Variants in IPO9 observed in about 807,000 individuals in gnomAD.
IPO9 encodes importin-9.
In IPO9, 28 loss-of-function variants were observed where a neutral mutation model predicts 128.6. The observed-to-expected ratio is 0.22, with a 90% CI of 0.16 to 0.30. The LOEUF (loss-of-function observed/expected upper bound fraction) is 0.30. Among genes scored for constraint, IPO9 ranks in the 10% least tolerant of loss-of-function variants. IPO9 has a pLI of 1.00. For missense variants in IPO9, 935 were observed against 1,293.9 expected, an observed-to-expected ratio of 0.72 and a Z score of 4.26; for synonymous variants, 455 against 475.8, an observed-to-expected ratio of 0.96 and a Z score of 0.57.
intron 1 of IPO9, among the ~76,000 whole-genome samples, chr1:201,829,719 C>T (rs1172635599): frequency 6.6e-6 from 1 of 152,032 alleles, no homozygotes. Flanking sequence ...GAGTCCAGGA[C>T]CAAAGTCTTT....
At position 201,866,713 on chromosome 1, in the gene IPO9, G is replaced by A; in HGVS notation, c.1629-20G>A. 6.4e-7 allele frequency: 1 copy of A among 1,565,174 alleles called. No homozygotes were observed. The highest frequency in any genetic ancestry group is 1.1e-5 in the South Asian group (1 of 89,666). ...AATTGAATTTTTTTTAATAATTCTT[G>A]CTTATCTATCTCTCTCTAGTTATTG... On this transcript the variant is annotated intron_variant, in intron 14 of 23. Coordinates refer to ENST00000361565, the MANE Select transcript of IPO9 (RefSeq NM_018085.5).
At position 201,876,015 on chromosome 1, in the gene IPO9, T is replaced by C. The variant is rs1297849797; in HGVS notation, c.3087T>C (p.Asn1029=). The C allele has an allele frequency of 3.1e-6, 5 of 1,613,952 alleles. No individual in the cohort carries two copies. The highest frequency in any genetic ancestry group is 4.2e-6 in the Non-Finnish European group (5 of 1,179,794). ...ACATAATGTTTTCAGGCCACCTTAA[T>C]GACAATGAGAGGCGAGTTCTACAGA... The part of the protein sequence containing the change: ...PCYIMFSGHL[N]DNERRVLQTI... Residue 1029 remains asparagine, a synonymous_variant, in exon 24 of 24, where the codon AAT becomes AAC. Transcript: ENST00000361565.
intron 23 of IPO9, 43 bp downstream of exon 23, chr1:201,875,271 G>T (rs372940351): frequency 9.1e-6 from 14 of 1,544,332 alleles, no homozygotes; most frequent in African/African-American, 1.4e-5. Context: ...AATGTCCCAG[G>T]CCATGGAAAC....
At chr1:201,865,504 G>A (rs763582707) in intron 14 of IPO9, among the ~76,000 whole-genome samples, 7 of 152,044 alleles carry the variant, frequency 4.6e-5, no homozygotes, top group Admixed American at 6.5e-5. Flanking sequence ...CACCGCGCCC[G>A]GCCTGCAGCT....
In IPO9 at chr1:201,883,031, T is replaced by C. The variant is rs1459098129; in HGVS notation, c.*6977T>C. On this transcript the variant is annotated 3_prime_UTR_variant, in exon 24 of 24. Coordinates refer to ENST00000361565, the MANE Select transcript of IPO9 (RefSeq NM_018085.5). ...TGGGAGGACAGCTCTGAGGAATGAATTGTAGCACTGCAGCCCTGCCTGAGG... is the reference window on the plus strand; with the variant it reads ...TGGGAGGACAGCTCTGAGGAATGAACTGTAGCACTGCAGCCCTGCCTGAGG... 6.6e-6 allele frequency: 1 copy of C among 152,612 alleles called. No homozygotes were observed. The highest frequency in any genetic ancestry group is 6.5e-5 in the Admixed American group (1 of 15,278). 9.5% of individuals were successfully genotyped at this position (152,612 alleles called of 1,614,324 possible).
intron 23 of IPO9, 67 bp downstream of exon 23, chr1:201,875,295 C>G: frequency 7.3e-7 from 1 of 1,373,818 alleles, no homozygotes; most frequent in Non-Finnish European, 1.0e-6. Flanking sequence ...AATATGGGCT[C>G]AAATCCATTT....
chr1:201,851,969 A>G, intron 4 of IPO9, 135 bp from the exon 5 acceptor site: 1 of 485,214 alleles, frequency 2.1e-6, no homozygotes, highest in South Asian at 3.9e-5. Flanking sequence ...ACAGAATGAG[A>G]CCACCAGGCC....
In IPO9 at chr1:201,877,359, G is replaced by A. The variant is rs12023470; in HGVS notation, c.*1305G>A. On this transcript the variant is annotated 3_prime_UTR_variant, in exon 24 of 24. Transcript: ENST00000361565. ...TCTACTAAAAATACAAAAATTAGCT[G>A]GGCATGGTGGTGCATGCCTGTAATC... 8,895 of 152,168 alleles carry A rather than the reference G, an allele frequency of 0.058. 507 individuals carry two copies. Among genetic ancestry groups the A allele is most frequent in the East Asian group, 0.28 (1,422 of 5,154 alleles). 9.4% of individuals were successfully genotyped at this position (152,168 alleles called of 1,614,324 possible).
chr1:201,845,024 G>T (rs1680099403), intron 1 of IPO9, among the ~76,000 whole-genome samples: 1 of 149,604 alleles, frequency 6.7e-6, no homozygotes, highest in African/African-American at 2.5e-5. Flanking sequence ...TTTTTTTTGG[G>T]AGGGGGGGGC....
intron 20 of IPO9, 63 bp from the exon 21 acceptor site, chr1:201,874,187 A>G (rs1680714966): frequency 1.2e-5 from 19 of 1,582,690 alleles, no homozygotes; most frequent in Non-Finnish European, 1.6e-5. Context: ...AGGAGAGGAC[A>G]GGGGTACTTC....
intron 1 of IPO9, among the ~76,000 whole-genome samples, chr1:201,837,185 A>T (rs2102868713): frequency 6.6e-6 from 1 of 152,240 alleles, no homozygotes; most frequent in South Asian, 2.1e-4. Context: ...TGGTTAGTGG[A>T]ATTTTGTATA....
chr1:201,865,199 C>CTTTTTTTTTTTTTTTTTTTTTTTTTT (rs201084995), intron 14 of IPO9, among the ~76,000 whole-genome samples: 1 of 132,852 alleles, frequency 7.5e-6, no homozygotes. Flanking sequence ...AACTATTTTT[C>CTTTTTTTTTTTTTTTTTTTTTTTTTT]TTTTTTTTTT....
chr1:201,848,832 A>G (rs1012648114), intron 4 of IPO9, among the ~76,000 whole-genome samples: 2 of 152,168 alleles, frequency 1.3e-5, no homozygotes, highest in African/African-American at 2.4e-5. Flanking sequence ...GTATTAGCAT[A>G]GTGATGGAGT....
At chr1:201,830,897 C>T (rs1052203410) in intron 1 of IPO9, among the ~76,000 whole-genome samples, 5 of 152,240 alleles carry the variant, frequency 3.3e-5, no homozygotes, top group Non-Finnish European at 7.3e-5. Context: ...AACAACTCCA[C>T]TTTTGCTCTG....
chr1:201,860,110 C>T (rs960389963), intron 13 of IPO9, among the ~76,000 whole-genome samples: 10 of 152,188 alleles, frequency 6.6e-5, no homozygotes, highest in Admixed American at 5.2e-4. Flanking sequence ...GATCACCATC[C>T]GAAAACACTG....
Position 201,874,197 on chromosome 1 carries a change from C to G in IPO9, c.2711-53C>G, listed in dbSNP as rs896187095. On this transcript the variant is annotated intron_variant, in intron 20 of 23. Transcript: ENST00000361565. ...CACTGAGGAGAGGACAGGGGTACTT[C>G]CAGAAGTAAGCTCAGTGACACTCTG... 3 of 1,601,088 alleles carry G rather than the reference C, an allele frequency of 1.9e-6. No homozygotes were observed. In the South Asian group the frequency reaches 3.4e-5, roughly 18 times the overall value.
At chr1:201,857,991 G>A (rs926738070) in intron 11 of IPO9, among the ~76,000 whole-genome samples, 1 of 152,174 alleles carries the variant, frequency 6.6e-6, no homozygotes, top group African/African-American at 2.4e-5. Flanking sequence ...AGAAGAAACT[G>A]CCACTTGCTT....
At position 201,863,558 on chromosome 1, in the gene IPO9, G is replaced by A. The variant is rs1680491156; in HGVS notation, c.1579G>A (p.Glu527Lys). Residue 527 changes from glutamate to lysine, a missense_variant, in exon 14 of 24, where the codon GAG becomes AAG. This residue lies in a region of IPO9 where 741 missense variants were observed against 1,019.1 expected (regional missense o/e 0.73). Coordinates refer to ENST00000361565, the MANE Select transcript of IPO9 (RefSeq NM_018085.5). ...FLQATVSGLH[E>K]TQPPSVRISA... is the part of the protein sequence containing the mutation. ...ACAGGCAACAGTTAGTGGTCTTCAC[G>A]AGACACAGCCCCCATCAGTTCGAAT... The A allele has an allele frequency of 1.2e-6, 2 of 1,605,208 alleles. No individual in the cohort carries two copies. Among genetic ancestry groups the A allele is most frequent in the Non-Finnish European group, 1.7e-6 (2 of 1,172,768 alleles).
rs1239472863 is a variant in IPO9, at chr1:201,876,486, G to A, written c.*432G>A. The A allele has an allele frequency of 9.4e-6, 3 of 318,268 alleles. No individual in the cohort carries two copies. Among genetic ancestry groups the A allele is most frequent in the African/African-American group, 2.2e-5 (1 of 46,262 alleles). 19.7% of individuals were successfully genotyped at this position (318,268 alleles called of 1,614,324 possible). A position where few individuals can be genotyped will look rare whatever the true frequency, so the allele number is the denominator to read the frequency against. On this transcript the variant is annotated 3_prime_UTR_variant, in exon 24 of 24. Coordinates refer to ENST00000361565, the MANE Select transcript of IPO9 (RefSeq NM_018085.5). ...TAGGACTTCTGATGTGTTCAGATAG[G>A]AATCCTCATGAGAGATCATTATGCT...
Sources: gnomAD v4.1 joint callset for allele counts (sites outside exome capture counted in the v4.1 genomes callset) on GRCh38, gnomAD v4.1.1 for gene constraint, gnomAD v4.1.1 regional missense constraint, MANE v1.5 for transcripts, NCBI Gene and HGNC (gene_info 2026-07-23, HGNC 2026-07-21) for gene names.